SGMS1: variants seen among roughly 807,000 people sequenced by gnomAD.
SGMS1 encodes the protein phosphatidylcholine:ceramide cholinephosphotransferase 1.
A neutral mutation model predicts 46.2 loss-of-function variants in SGMS1; 13 were observed. The observed-to-expected ratio is 0.28, with a 90% CI of 0.18 to 0.45. The LOEUF (loss-of-function observed/expected upper bound fraction) is 0.45. Among genes scored for constraint, SGMS1 ranks in the 20% least tolerant of loss-of-function variants. The pLI, the probability that SGMS1 is intolerant of heterozygous loss-of-function variation, is 1.00. For missense variants in SGMS1, 324 were observed against 519.9 expected (o/e 0.62, Z 3.66); for synonymous variants, 203 against 187.8 (o/e 1.08, Z -0.66).
At chr10:50,491,137 A>C (rs1010949598) in intron 3 of SGMS1, among the ~76,000 whole-genome samples, 1 of 152,212 alleles carries the variant, frequency 6.6e-6, no homozygotes, top group Non-Finnish European at 1.5e-5. Flanking sequence ...AGCTGAGCCC[A>C]GGAGTTCAAG....
intron 2 of SGMS1, among the ~76,000 whole-genome samples, chr10:50,524,147 C>T (rs1426527225): frequency 1.3e-5 from 2 of 152,174 alleles, no homozygotes; most frequent in East Asian, 1.9e-4. Context: ...TCCTTTTGTA[C>T]CCCTCACTGT....
intron 6 of SGMS1, among the ~76,000 whole-genome samples, chr10:50,399,507 A>G (rs1024731432): frequency 6.6e-6 from 1 of 152,228 alleles, no homozygotes; most frequent in Non-Finnish European, 1.5e-5. Context: ...AATGTGTTAA[A>G]TTATATACAA....
intron 6 of SGMS1, among the ~76,000 whole-genome samples, chr10:50,398,576 G>C (rs1201915550): frequency 6.6e-6 from 1 of 152,106 alleles, no homozygotes; most frequent in Admixed American, 6.6e-5. Flanking sequence ...TTCTCATGGG[G>C]GGAGGTTCTG....
chr10:50,567,900 G>GT (rs532475133), intron 2 of SGMS1, among the ~76,000 whole-genome samples: 219 of 152,158 alleles, frequency 1.4e-3, no homozygotes, highest in Non-Finnish European at 2.4e-3. Context: ...CTAAACCACT[G>GT]TATTTCTTAT....
chr10:50,529,570 T>A lies in SGMS1; in HGVS notation c.-588-9649A>T, dbSNP rs139322054. On this transcript the variant is annotated intron_variant, in intron 2 of 10. Coordinates refer to ENST00000361781, the MANE Select transcript of SGMS1 (RefSeq NM_147156.4). ...TACAGGAGGTTCGATTTTCTGAACTTTTTTTGAATGAGTACATCTTACACT... is the reference window on the plus strand; with the variant it reads ...TACAGGAGGTTCGATTTTCTGAACTATTTTTGAATGAGTACATCTTACACT... Among the ~76,000 whole-genome samples, 388 of 152,348 alleles carry A rather than the reference T, an allele frequency of 2.5e-3. 9 individuals carry two copies. The highest frequency in any genetic ancestry group is 0.022 in the Admixed American group (343 of 15,286).
At chr10:50,348,226 G>A (rs1385407404) in intron 6 of SGMS1, among the ~76,000 whole-genome samples, 1 of 152,150 alleles carries the variant, frequency 6.6e-6, no homozygotes, top group Non-Finnish European at 1.5e-5. Flanking sequence ...GACAAATGCT[G>A]GAAGCATTCC....
chr10:50,541,637 G>A (rs1386212517), intron 2 of SGMS1, among the ~76,000 whole-genome samples: 1 of 152,122 alleles, frequency 6.6e-6, no homozygotes, highest in Non-Finnish European at 1.5e-5. Context: ...TTGGAGACAA[G>A]ACCAGGGATG....
chr10:50,490,367 G>A (rs1254671802), intron 3 of SGMS1, among the ~76,000 whole-genome samples: 1 of 152,136 alleles, frequency 6.6e-6, no homozygotes, highest in Non-Finnish European at 1.5e-5. Flanking sequence ...TAAATATGAC[G>A]CCTAGGAGAA....
At chr10:50,582,555 A>G (rs1588883779) in intron 2 of SGMS1, among the ~76,000 whole-genome samples, 1 of 152,194 alleles carries the variant, frequency 6.6e-6, no homozygotes, top group East Asian at 1.9e-4. Context: ...GAAACTCAGA[A>G]TACTGGATCT....
chr10:50,548,263 A>T (rs1039181742), intron 2 of SGMS1, among the ~76,000 whole-genome samples: 6 of 152,228 alleles, frequency 3.9e-5, no homozygotes, highest in African/African-American at 1.4e-4. Flanking sequence ...GGCAATCCTA[A>T]GCAGAAAGAA....
chr10:50,347,594 C>G (rs1056469230), intron 6 of SGMS1, among the ~76,000 whole-genome samples: 8 of 152,104 alleles, frequency 5.3e-5, no homozygotes, highest in Non-Finnish European at 8.8e-5. Context: ...GGAAAACAGC[C>G]AAAGGAACCC....
chr10:50,614,284 C>T (rs1363868426), intron 1 of SGMS1, among the ~76,000 whole-genome samples: 5 of 152,204 alleles, frequency 3.3e-5, no homozygotes. Flanking sequence ...GCCAGAACCA[C>T]TGGTGAGCAG....
At chr10:50,438,455 C>T (rs1486371064) in intron 5 of SGMS1, among the ~76,000 whole-genome samples, 2 of 152,188 alleles carry the variant, frequency 1.3e-5, no homozygotes, top group African/African-American at 4.8e-5. Flanking sequence ...AAACTGAATC[C>T]TGCCAATCAC....
At chr10:50,514,286 G>A (rs1246307840) in intron 3 of SGMS1, among the ~76,000 whole-genome samples, 1 of 152,108 alleles carries the variant, frequency 6.6e-6, no homozygotes, top group Non-Finnish European at 1.5e-5. Flanking sequence ...ACCTTGACAC[G>A]ATAAGTCTTT....
intron 3 of SGMS1, among the ~76,000 whole-genome samples, chr10:50,481,989 A>C (rs535162740): frequency 2.7e-4 from 41 of 152,316 alleles, no homozygotes; most frequent in Non-Finnish European, 4.3e-4. Context: ...ATAAAAAGGA[A>C]TGAACAAAAC....
intron 7 of SGMS1, chr10:50,342,712 G>A (rs769166984): frequency 7.9e-5 from 12 of 152,274 alleles, no homozygotes; most frequent in Admixed American, 3.3e-4. Context: ...ACCATAAGGC[G>A]TTCCTTTAAC....
At chr10:50,312,721 G>A (rs771859678) in intron 8 of SGMS1, among the ~76,000 whole-genome samples, 14 of 152,058 alleles carry the variant, frequency 9.2e-5, no homozygotes, top group Non-Finnish European at 1.8e-4. Context: ...ATATATACAC[G>A]ATTTAAAAAT....
upstream of SGMS1, chr10:50,624,047 C>T: frequency 2.0e-6 from 2 of 985,276 alleles, no homozygotes; most frequent in Non-Finnish European, 2.4e-6. Context: ...GCCGGGGGGG[C>T]GGGCCGGCCG....
At chr10:50,586,683 C>G (rs141789649) in intron 2 of SGMS1, among the ~76,000 whole-genome samples, 68 of 152,342 alleles carry the variant, frequency 4.5e-4, no homozygotes, top group African/African-American at 1.3e-3. Flanking sequence ...ACAGGAAGAG[C>G]AGCAGGAATC....
Sources: gnomAD v4.1 joint callset for allele counts (sites outside exome capture counted in the v4.1 genomes callset) on GRCh38, gnomAD v4.1.1 for gene constraint, MANE v1.5 for transcripts, NCBI Gene and HGNC (gene_info 2026-07-23, HGNC 2026-07-21) for gene names.